Variants in LRRC37A2 observed in about 807,000 individuals in gnomAD.
LRRC37A2 encodes leucine-rich repeat-containing protein 37A2.
Under a neutral mutation model 68.8 loss-of-function variants are expected in LRRC37A2, and 9 were observed. The observed-to-expected ratio is 0.13, with a 90% CI of 0.08 to 0.23. The LOEUF is 0.23. LRRC37A2 is among the 10% of genes least tolerant of loss of function. The pLI, the probability that LRRC37A2 is intolerant of heterozygous loss-of-function variation, is 1.00. For missense variants in LRRC37A2, 168 were observed against 950.4 expected (o/e 0.18, Z 10.82); for synonymous variants, 63 against 367.6 (o/e 0.17, Z 9.48).
chr17:46,968,783 G>T, the LRRC37A2 span: 2 of 152,286 alleles, frequency 1.3e-5, no homozygotes, highest in African/African-American at 4.8e-5. Flanking sequence ...GAACATCAGG[G>T]CATCTCTTGG....
At chr17:46,635,777 ATGTGTGTGTGTG>A in the LRRC37A2 span, among the ~76,000 whole-genome samples, 34 of 116,798 alleles carry the variant, frequency 2.9e-4, 3 homozygotes, top group South Asian at 2.6e-4. Context: ...GGGAAAATAA[ATGTGTGTGTGTG>A]TGTGTGTGTG....
At chr17:46,638,669 G>A in the LRRC37A2 span, among the ~76,000 whole-genome samples, 13 of 142,002 alleles carry the variant, frequency 9.2e-5, no homozygotes, top group Non-Finnish European at 1.2e-4. Context: ...GAGCCACCAT[G>A]CCCAACCATT....
chr17:47,020,877 C>A, the LRRC37A2 span, among the ~76,000 whole-genome samples: 4 of 150,072 alleles, frequency 2.7e-5, no homozygotes, highest in South Asian at 4.2e-4. Context: ...ATAATGCAGA[C>A]CATTGGTGCT....
the LRRC37A2 span, among the ~76,000 whole-genome samples, chr17:46,994,444 AG>A: frequency 7.9e-5 from 12 of 152,008 alleles, no homozygotes; most frequent in African/African-American, 2.7e-4. Context: ...GGGTGGGAAG[AG>A]GACAGGAAGA....
At chr17:46,782,926 G>A in the LRRC37A2 span, among the ~76,000 whole-genome samples, 1 of 152,250 alleles carries the variant, frequency 6.6e-6, no homozygotes, top group East Asian at 1.9e-4. Context: ...AGGGTAGGGG[G>A]TTTCTTCTGA....
the LRRC37A2 span, among the ~76,000 whole-genome samples, chr17:46,730,891 A>G: frequency 4.6e-4 from 70 of 152,294 alleles, no homozygotes; most frequent in African/African-American, 1.3e-3. Context: ...TAGAATGGCT[A>G]TCATCAAAAA....
chr17:46,808,019 A>G, the LRRC37A2 span, among the ~76,000 whole-genome samples: 1 of 152,266 alleles, frequency 6.6e-6, no homozygotes, highest in Non-Finnish European at 1.5e-5. Flanking sequence ...GATTCTGCCC[A>G]GCTGCTTTCT....
the LRRC37A2 span, among the ~76,000 whole-genome samples, chr17:47,023,169 T>G: frequency 6.6e-6 from 1 of 152,262 alleles, no homozygotes; most frequent in African/African-American, 2.4e-5. Flanking sequence ...TTTATACGTT[T>G]GTTGAACATT....
At chr17:46,611,660 TG>T in the LRRC37A2 span, among the ~76,000 whole-genome samples, 1 of 147,830 alleles carries the variant, frequency 6.8e-6, no homozygotes, top group African/African-American at 2.6e-5. Context: ...CTGGGGCAAC[TG>T]GATATCTACA....
chr17:46,896,408 A>AAG, the LRRC37A2 span, among the ~76,000 whole-genome samples: 1 of 77,286 alleles, frequency 1.3e-5, no homozygotes, highest in East Asian at 3.8e-4. Flanking sequence ...GAAAGAAAGA[A>AAG]AGAAAGAAAG....
At chr17:46,904,885 A>T in the LRRC37A2 span, among the ~76,000 whole-genome samples, 2 of 152,064 alleles carry the variant, frequency 1.3e-5, no homozygotes, top group Non-Finnish European at 2.9e-5. Context: ...TCCCTTGAAG[A>T]TGGGGCACTC....
At chr17:46,800,651 CA>C in the LRRC37A2 span, among the ~76,000 whole-genome samples, 2 of 152,212 alleles carry the variant, frequency 1.3e-5, no homozygotes, top group African/African-American at 4.8e-5. Flanking sequence ...AGCAGGGAGA[CA>C]AGAGTCTGGG....
At chr17:46,796,058 C>T in the LRRC37A2 span, among the ~76,000 whole-genome samples, 2 of 152,308 alleles carry the variant, frequency 1.3e-5, no homozygotes, top group East Asian at 1.9e-4. Context: ...CTGTCCCATC[C>T]GCAGGTGGTA....
the LRRC37A2 span, among the ~76,000 whole-genome samples, chr17:47,031,327 C>T: frequency 6.1e-5 from 9 of 148,032 alleles, no homozygotes; most frequent in Admixed American, 6.1e-4. Flanking sequence ...GCAAGAAGGA[C>T]CAGGTGGCTA....
chr17:46,970,679 C>T, the LRRC37A2 span, among the ~76,000 whole-genome samples: 1 of 152,206 alleles, frequency 6.6e-6, no homozygotes, highest in Non-Finnish European at 1.5e-5. Flanking sequence ...AGCCGCTCCA[C>T]TCACGTGGAC....
At chr17:46,819,309 G>T in the LRRC37A2 span, among the ~76,000 whole-genome samples, 4 of 152,320 alleles carry the variant, frequency 2.6e-5, no homozygotes, top group Admixed American at 6.5e-5. The surrounding 1 kb of genome is among the most constrained non-coding windows in gnomAD (Gnocchi z 5.3). Flanking sequence ...AGGCTCGAAG[G>T]TCTGGCTGCG....
At chr17:46,741,122 C>A in the LRRC37A2 span, among the ~76,000 whole-genome samples, 2 of 152,070 alleles carry the variant, frequency 1.3e-5, no homozygotes, top group East Asian at 3.8e-4. Context: ...AGCAATGAGG[C>A]CTGAACTGTA....
the LRRC37A2 span, among the ~76,000 whole-genome samples, chr17:46,880,015 C>T: frequency 6.6e-6 from 1 of 152,234 alleles, no homozygotes; most frequent in South Asian, 2.1e-4. Context: ...TTGTGTTTTG[C>T]TTGTAAAAAT....
chr17:47,001,534 C>T, the LRRC37A2 span, among the ~76,000 whole-genome samples: 1 of 151,990 alleles, frequency 6.6e-6, no homozygotes, highest in Non-Finnish European at 1.5e-5. Context: ...CTAGAGATTA[C>T]AATTTGATAA....
Sources: allele counts gnomAD v4.1 joint callset (sites outside exome capture counted in the v4.1 genomes callset), GRCh38; gene constraint gnomAD v4.1.1; non-coding constraint Gnocchi (gnomAD v3.1); transcripts MANE v1.5; gene names NCBI Gene and HGNC (gene_info 2026-07-23, HGNC 2026-07-21).